The following TMEM19 variants were observed in gnomAD, a reference collection of about 807,000 sequenced individuals.
The protein encoded by TMEM19 is transmembrane protein 19.
A neutral mutation model predicts 33.6 loss-of-function variants in TMEM19; 21 were observed. The ratio of observed to expected loss-of-function variants is 0.62; its 90% CI spans 0.44 to 0.90. The LOEUF (loss-of-function observed/expected upper bound fraction) is 0.90. Ranked by LOEUF, TMEM19 falls within the 40% of genes least tolerant of loss-of-function variation. The pLI, the probability that TMEM19 is intolerant of heterozygous loss-of-function variation, is 0.00. For synonymous variants in TMEM19, 149 were observed against 147.5 expected (o/e 1.01, Z -0.07); for missense variants, 402 against 401.8 (o/e 1.00, Z 0.00).
Position 71,702,661 on chromosome 12 carries a change from C to A in TMEM19, c.*1666C>A, listed in dbSNP as rs1881999774. ...GTACTGATGTCTGGGTTTCACACTG[C>A]AAAATTCTGATTTATCTGATCTAAG... On this transcript the variant is annotated 3_prime_UTR_variant, in exon 6 of 6. Coordinates refer to ENST00000266673, the MANE Select transcript of TMEM19 (RefSeq NM_018279.4). The A allele has an allele frequency of 6.6e-6, 1 of 152,194 alleles. No individual in the cohort carries two copies. Among genetic ancestry groups the A allele is most frequent in the African/African-American group, 2.4e-5 (1 of 41,452 alleles). The allele number at this position is 152,194 out of a possible 1,614,324, so 9.4% of individuals were successfully genotyped here.
rs1435184830 is a variant in TMEM19, at chr12:71,703,626, G to A, written c.*2631G>A. On this transcript the variant is annotated 3_prime_UTR_variant, in exon 6 of 6. Coordinates refer to ENST00000266673, the MANE Select transcript of TMEM19 (RefSeq NM_018279.4). ...CTGTGTTTTGCATCAAAATTTTTGA[G>A]CTATTCAAAAACTAATAGGATCTGT... The A allele has an allele frequency of 6.4e-6, 1 of 156,450 alleles. No homozygotes were observed. Among genetic ancestry groups the A allele is most frequent in the Non-Finnish European group, 1.4e-5 (1 of 70,632 alleles). The allele number at this position is 156,450 out of a possible 1,614,324, so 9.7% of individuals were successfully genotyped here. A position where few individuals can be genotyped will look rare whatever the true frequency, so the allele number is the denominator to read the frequency against.
At chr12:71,687,303 G>T (rs555135815) in intron 1 of TMEM19, among the ~76,000 whole-genome samples, 21 of 152,336 alleles carry the variant, frequency 1.4e-4, no homozygotes, top group African/African-American at 4.3e-4. Flanking sequence ...AATGGGCCAG[G>T]CGCGGTGGCT....
chr12:71,703,690 G>A lies in TMEM19; in HGVS notation c.*2695G>A. ...CTCAAAACTACTAAAAAAAAGTCTG[G>A]GATGGCAGCTCATTATCAAATATAC... is the stretch of plus-strand genomic sequence containing the variant. On this transcript the variant is annotated 3_prime_UTR_variant, in exon 6 of 6. Transcript: ENST00000266673. 1 of 168,582 alleles carries A rather than the reference G, an allele frequency of 5.9e-6. No individual in the cohort carries two copies. 10.4% of individuals were successfully genotyped at this position (168,582 alleles called of 1,614,324 possible).
intron 4 of TMEM19, among the ~76,000 whole-genome samples, chr12:71,698,607 AAGAGAG>A (rs71068787): frequency 0.18 from 21,706 of 120,412 alleles, 2,181 homozygotes; most frequent in Middle Eastern, 0.24. Flanking sequence ...TGTCTCTGAA[AAGAGAG>A]AGAGAGAGAG....
Position 71,703,232 on chromosome 12 carries a change from T to C in TMEM19, c.*2237T>C, listed in dbSNP as rs944674042. 1 of 104,736 alleles carries C rather than the reference T, an allele frequency of 9.5e-6. No homozygotes were observed. 6.5% of individuals were successfully genotyped at this position (104,736 alleles called of 1,614,324 possible). A position where few individuals can be genotyped will look rare whatever the true frequency, so the allele number is the denominator to read the frequency against. ...AAAAAAAAAAAAAAAAAAAAGAATA[T>C]TCTAAGCACTAGAACTACATAAGAA... On this transcript the variant is annotated 3_prime_UTR_variant, in exon 6 of 6. Transcript: ENST00000266673.
Position 71,703,848 on chromosome 12 carries a change from T to G in TMEM19, c.*2853T>G. ...ACTGGTTTTCATAGCTTTTTGGAGA[T>G]GAGAATTGAGGATAAGAAATTGTGT... On this transcript the variant is annotated 3_prime_UTR_variant, in exon 6 of 6. Transcript: ENST00000266673. 2 of 264,880 alleles carry G rather than the reference T, an allele frequency of 7.6e-6. No homozygotes were observed. Among genetic ancestry groups the G allele is most frequent in the Non-Finnish European group, 1.6e-5 (2 of 126,196 alleles). The allele number at this position is 264,880 out of a possible 1,614,324, so 16.4% of individuals were successfully genotyped here.
chr12:71,692,527 A>G (rs1881802081), intron 2 of TMEM19, among the ~76,000 whole-genome samples: 1 of 152,250 alleles, frequency 6.6e-6, no homozygotes, highest in Admixed American at 6.5e-5. Context: ...TCATGAAGTC[A>G]TTTATTTGCT....
intron 2 of TMEM19, among the ~76,000 whole-genome samples, chr12:71,693,454 T>G (rs1447145451): frequency 2.0e-5 from 3 of 152,186 alleles, no homozygotes; most frequent in Non-Finnish European, 4.4e-5. Context: ...AATATTATCC[T>G]AGAGTATGAC....
chr12:71,686,302 G>C lies in TMEM19; in HGVS notation c.-379G>C. On this transcript the variant is annotated 5_prime_UTR_variant, in exon 1 of 6. Transcript: ENST00000266673. Reference sequence around the variant, plus strand: ...CCGCTGGCCTACCCGGCCCGCGGGTGAGAAGGTTGCGACGGGAGGTGGGTG... The same window carrying C: ...CCGCTGGCCTACCCGGCCCGCGGGTCAGAAGGTTGCGACGGGAGGTGGGTG... 4.0e-6 allele frequency: 1 copy of C among 248,430 alleles called. No homozygotes were observed. Among genetic ancestry groups the C allele is most frequent in the East Asian group, 1.7e-4 (1 of 5,720 alleles). The allele number at this position is 248,430 out of a possible 1,614,324, so 15.4% of individuals were successfully genotyped here.
At chr12:71,697,609 C>G in intron 4 of TMEM19, 75 bp downstream of exon 4, 1 of 1,486,572 alleles carries the variant, frequency 6.7e-7, no homozygotes, top group South Asian at 1.4e-5. Flanking sequence ...TTAAAAAAAC[C>G]AAAAAACCTC....
intron 2 of TMEM19, among the ~76,000 whole-genome samples, chr12:71,694,702 G>T (rs1429483320): frequency 6.6e-6 from 1 of 152,194 alleles, no homozygotes; most frequent in African/African-American, 2.4e-5. Context: ...CCCTCCCTTG[G>T]ACATGGTTCA....
intron 1 of TMEM19, among the ~76,000 whole-genome samples, chr12:71,687,120 C>G (rs778585697): frequency 9.9e-5 from 15 of 152,182 alleles, no homozygotes; most frequent in Non-Finnish European, 1.8e-4. Context: ...CCACCTGTGT[C>G]TCCCAAAGTG....
At chr12:71,687,544 G>A (rs1379560833) in intron 1 of TMEM19, among the ~76,000 whole-genome samples, 1 of 151,398 alleles carries the variant, frequency 6.6e-6, no homozygotes, top group African/African-American at 2.4e-5. Context: ...GCCACAGAGC[G>A]AGAATCCGTC....
chr12:71,696,290 G>A, intron 2 of TMEM19, 146 bp from the exon 3 acceptor site: 1 of 645,628 alleles, frequency 1.5e-6, no homozygotes, highest in Non-Finnish European at 2.3e-6. Flanking sequence ...TTTACTGCTT[G>A]CTAAGAATTT....
rs1882012206 is a variant in TMEM19 at position 71,703,187 on chromosome 12, C to CAAGA, written c.*2194_*2195insGAAA. 2 of 47,190 alleles carry CAAGA rather than the reference C, an allele frequency of 4.2e-5. No homozygotes were observed. The highest frequency in any genetic ancestry group is 1.0e-4 in the Non-Finnish European group (2 of 19,698). 2.9% of individuals were successfully genotyped at this position (47,190 alleles called of 1,614,324 possible). A position where few individuals can be genotyped will look rare whatever the true frequency, so the allele number is the denominator to read the frequency against. ...GGGAGACTCCATCTAGACTCCATCT[C>CAAGA]AAAAAAAAAAAAAAAAAAAAAAAAA... is the stretch of plus-strand genomic sequence containing the variant. On this transcript the variant is annotated 3_prime_UTR_variant, in exon 6 of 6. Coordinates refer to ENST00000266673, the MANE Select transcript of TMEM19 (RefSeq NM_018279.4).
intron 2 of TMEM19, among the ~76,000 whole-genome samples, chr12:71,693,345 C>T (rs773052996): frequency 1.3e-5 from 2 of 151,980 alleles, no homozygotes; most frequent in Non-Finnish European, 2.9e-5. Flanking sequence ...TACAGGCACG[C>T]GCCGCCACAC....
rs766596138 is a variant in TMEM19, at chr12:71,700,903, A to G, written c.919A>G (p.Ile307Val). The G allele has an allele frequency of 3.1e-6, 5 of 1,613,814 alleles. No individual in the cohort carries two copies. Among genetic ancestry groups the G allele is most frequent in the Non-Finnish European group, 4.2e-6 (5 of 1,179,886 alleles). ...NKARHIAGKP[I>V]LDNNAVNLFS... ...GGCAAGGCACATAGCAGGGAAACCC[A>G]TTCTTGATAACAACGCAGTGAATCT... Residue 307 changes from isoleucine (I) to valine (V), a missense_variant, in exon 6 of 6, where the codon ATT (isoleucine) becomes GTT (valine). Transcript: ENST00000266673.
intron 1 of TMEM19, among the ~76,000 whole-genome samples, chr12:71,687,360 C>T (rs1279758329): frequency 6.6e-6 from 1 of 152,122 alleles, no homozygotes; most frequent in East Asian, 1.9e-4. Context: ...GGGCAAATAA[C>T]CTGAGGTCGG....
In TMEM19 at chr12:71,700,911, T is replaced by A. The variant is rs1270332353; in HGVS notation, c.927T>A (p.Asp309Glu). The change falls in exon 6 of 6, where the codon GAT becomes GAA. Residue 309 changes from aspartate to glutamate, a missense_variant. Coordinates refer to ENST00000266673, the MANE Select transcript of TMEM19 (RefSeq NM_018279.4). ...ARHIAGKPIL[D>E]NNAVNLFSSV... ...ACATAGCAGGGAAACCCATTCTTGA[T>A]AACAACGCAGTGAATCTGTTTTCTT... 6.2e-7 allele frequency: 1 copy of A among 1,613,922 alleles called. No homozygotes were observed. Among genetic ancestry groups the A allele is most frequent in the African/African-American group, 1.3e-5 (1 of 75,044 alleles).
Sources: gnomAD v4.1 joint callset for allele counts (sites outside exome capture counted in the v4.1 genomes callset) on GRCh38, gnomAD v4.1.1 for gene constraint, MANE v1.5 for transcripts, NCBI Gene and HGNC (gene_info 2026-07-23, HGNC 2026-07-21) for gene names.